Variants in OPN3 observed in about 807,000 individuals in gnomAD.
OPN3 encodes opsin-3.
A neutral mutation model predicts 33.8 loss-of-function variants in OPN3; 29 were observed. The observed-to-expected ratio is 0.86, with a 90% CI of 0.64 to 1.17. The LOEUF is 1.17. Ranked by LOEUF, OPN3 falls within the 50% of genes most tolerant of loss-of-function variation. The pLI, the probability that OPN3 is intolerant of heterozygous loss-of-function variation, is 0.00. For synonymous variants in OPN3, 216 were observed against 216.1 expected (o/e 1.00, Z 0.00); for missense variants, 437 against 514.1 (o/e 0.85, Z 1.45).
intron 1 of OPN3, among the ~76,000 whole-genome samples, chr1:241,606,018 T>C (rs1663820910): frequency 6.6e-6 from 1 of 152,188 alleles, no homozygotes; most frequent in South Asian, 2.1e-4. Context: ...TCTTCAGTAG[T>C]GAATGCTCAT....
intron 1 of OPN3, among the ~76,000 whole-genome samples, chr1:241,613,352 T>C (rs1664044921): frequency 6.6e-6 from 1 of 152,188 alleles, no homozygotes; most frequent in Non-Finnish European, 1.5e-5. Context: ...GGTTTAGTCA[T>C]TTGCCAAGGT....
chr1:241,633,797 T>C, intron 1 of OPN3: 1 of 1,613,248 alleles, frequency 6.2e-7, no homozygotes, highest in African/African-American at 1.3e-5. Flanking sequence ...TGCTCTTTTC[T>C]AATTTTGAAG....
chr1:241,619,260 T>C (rs1366305791), intron 1 of OPN3, among the ~76,000 whole-genome samples: 6 of 152,150 alleles, frequency 3.9e-5, no homozygotes, highest in Non-Finnish European at 7.3e-5. Context: ...AACTGAACCA[T>C]TCATTTGCGT....
intron 3 of OPN3, chr1:241,595,599 T>A (rs926754593): frequency 1.3e-5 from 2 of 152,232 alleles, no homozygotes; most frequent in East Asian, 3.8e-4. Flanking sequence ...TATATGGACT[T>A]TCTCAGATTA....
At chr1:241,598,776 A>C (rs529259144) in intron 2 of OPN3, among the ~76,000 whole-genome samples, 1 of 152,340 alleles carries the variant, frequency 6.6e-6, no homozygotes, top group South Asian at 2.1e-4. Flanking sequence ...ACAGGCAAAG[A>C]ATATTTCTGC....
chr1:241,627,009 T>C (rs1043930150), intron 1 of OPN3, among the ~76,000 whole-genome samples: 6 of 152,156 alleles, frequency 3.9e-5, no homozygotes, highest in Non-Finnish European at 7.3e-5. Flanking sequence ...ATTCCTCTGA[T>C]GTGTATGCCT....
intron 1 of OPN3, among the ~76,000 whole-genome samples, chr1:241,626,968 C>T (rs912240301): frequency 6.6e-6 from 1 of 152,198 alleles, no homozygotes; most frequent in Non-Finnish European, 1.5e-5. Flanking sequence ...TCCTGCTACA[C>T]TTTGTCAACC....
At position 241,635,587 on chromosome 1, in the gene OPN3, C is replaced by T. The variant is rs777799166; in HGVS notation, c.373+4295G>A. On this transcript the variant is annotated intron_variant, in intron 1 of 3. Transcript: ENST00000366554. ...CAATGTCATTGTTTTGCTGATACTC[C>T]TTCAACCAGGATAGCAATCCTGAAA... The T allele has an allele frequency of 2.5e-6, 4 of 1,614,124 alleles. No individual in the cohort carries two copies. In the Admixed American group the frequency reaches 6.7e-5, roughly 27 times the overall value.
intron 1 of OPN3, among the ~76,000 whole-genome samples, chr1:241,611,558 G>T (rs1663997744): frequency 6.6e-6 from 1 of 151,458 alleles, no homozygotes; most frequent in South Asian, 2.1e-4. Context: ...CCTATTCCAG[G>T]AAGAGAAAAC....
At chr1:241,613,585 A>G (rs556606745) in intron 1 of OPN3, among the ~76,000 whole-genome samples, 14 of 152,294 alleles carry the variant, frequency 9.2e-5, no homozygotes, top group African/African-American at 3.4e-4. Context: ...TTTTAAACTC[A>G]ATATTCTTAA....
intron 1 of OPN3, among the ~76,000 whole-genome samples, chr1:241,619,539 C>A (rs1268555253): frequency 6.6e-6 from 1 of 152,138 alleles, no homozygotes; most frequent in Non-Finnish European, 1.5e-5. Context: ...TTTATAGAAC[C>A]TGACACAGCA....
At chr1:241,595,554 G>T (rs1297892156) in intron 3 of OPN3, 2 of 152,180 alleles carry the variant, frequency 1.3e-5, no homozygotes, top group Non-Finnish European at 2.9e-5. Context: ...TAATGTAATT[G>T]TTATCCCATT....
At chr1:241,610,173 C>G (rs1196426489) in intron 1 of OPN3, among the ~76,000 whole-genome samples, 1 of 152,234 alleles carries the variant, frequency 6.6e-6, no homozygotes, top group African/African-American at 2.4e-5. Context: ...GGGATACACA[C>G]CATGCCCAGG....
At chr1:241,608,840 C>T (rs1663906771) in intron 1 of OPN3, among the ~76,000 whole-genome samples, 2 of 152,188 alleles carry the variant, frequency 1.3e-5, no homozygotes, top group African/African-American at 4.8e-5. Flanking sequence ...TCCCTGATAG[C>T]ATGAGCATAT....
In OPN3 at chr1:241,594,701, G is replaced by GA. The variant is rs1663445333; in HGVS notation, c.946-11dup. 4 of 1,606,054 alleles carry GA rather than the reference G, an allele frequency of 2.5e-6. No individual in the cohort carries two copies. The Admixed American group carries it at 5.2e-5, about 21-fold the overall frequency. On this transcript the variant is annotated splice_polypyrimidine_tract_variant and intron_variant, in intron 3 of 3. Coordinates refer to ENST00000366554, the MANE Select transcript of OPN3 (RefSeq NM_014322.3). ...AAAGGGATCTTCGAAACTGGGCAGA[G>GA]AAAAAATAAAGTGGAATATTAAGTA...
intron 1 of OPN3, among the ~76,000 whole-genome samples, chr1:241,619,709 G>A (rs1172392062): frequency 6.6e-6 from 1 of 152,234 alleles, no homozygotes; most frequent in Non-Finnish European, 1.5e-5. Context: ...TCATGAAACA[G>A]ACTGATGTTA....
chr1:241,615,528 T>C (rs3765815), intron 1 of OPN3, among the ~76,000 whole-genome samples: 32,193 of 151,998 alleles, frequency 0.21, 3,795 homozygotes, highest in Non-Finnish European at 0.27. Flanking sequence ...AGAAAGCCTT[T>C]CTTAGGAAAC....
chr1:241,624,462 T>C (rs1664357759), intron 1 of OPN3, among the ~76,000 whole-genome samples: 1 of 152,230 alleles, frequency 6.6e-6, no homozygotes, highest in African/African-American at 2.4e-5. Context: ...ACACCTTTTC[T>C]TTTTTGAAGC....
Position 241,594,564 on chromosome 1 carries a change from TC to T in OPN3, c.1072del (p.Asp358ThrfsTer7). On this transcript the variant is annotated frameshift_variant, in exon 4 of 4. Coordinates refer to ENST00000366554, the MANE Select transcript of OPN3 (RefSeq NM_014322.3). LOFTEE classifies it high-confidence loss of function. ...RPIVMSQKDG[D>X]RPKKKVTFNS... Reference sequence around the variant, plus strand: ...GAAAGTCACTTTTTTCTTTGGCCTGTCCCCATCTTTCTGTGACATCACAATG... The same window carrying T: ...GAAAGTCACTTTTTTCTTTGGCCTGTCCCATCTTTCTGTGACATCACAATG... 1 of 1,614,158 alleles carries T rather than the reference TC, an allele frequency of 6.2e-7. No individual in the cohort carries two copies. Among genetic ancestry groups the T allele is most frequent in the Non-Finnish European group, 8.5e-7 (1 of 1,180,008 alleles).
Sources: allele counts gnomAD v4.1 joint callset (sites outside exome capture counted in the v4.1 genomes callset), GRCh38; gene constraint gnomAD v4.1.1; transcripts MANE v1.5; gene names NCBI Gene and HGNC (gene_info 2026-07-23, HGNC 2026-07-21).